Variants in PRDM1 observed in about 807,000 individuals in gnomAD.
PRDM1 encodes PR/SET domain 1.
Under a neutral mutation model 62.8 loss-of-function variants are expected in PRDM1, and 13 were observed. The observed-to-expected ratio is 0.21, with a 90% CI of 0.13 to 0.33. The LOEUF is 0.33. PRDM1 is among the 10% of genes least tolerant of loss of function. The pLI, the probability that PRDM1 is intolerant of heterozygous loss-of-function variation, is 1.00. For synonymous variants in PRDM1, 396 were observed against 417.6 expected (o/e 0.95, Z 0.63); for missense variants, 895 against 1,058.8 (o/e 0.85, Z 2.15).
At chr6:106,101,437 A>G (rs185707655) in intron 4 of PRDM1, among the ~76,000 whole-genome samples, 1 of 152,328 alleles carries the variant, frequency 6.6e-6, no homozygotes, top group Admixed American at 6.5e-5. Context: ...CAACTGTCAT[A>G]TATACTGTGA....
upstream of PRDM1, among the ~76,000 whole-genome samples, chr6:106,043,672 A>G (rs1318026915): frequency 6.6e-6 from 1 of 152,080 alleles, no homozygotes; most frequent in African/African-American, 2.4e-5. Context: ...AGTAGCTGGG[A>G]TTACAGCATG....
At chr6:106,029,216 G>A (rs1210047703) in intron 1 of PRDM1, among the ~76,000 whole-genome samples, 1 of 152,034 alleles carries the variant, frequency 6.6e-6, no homozygotes, top group Non-Finnish European at 1.5e-5. Flanking sequence ...ACTGCACCCG[G>A]CCTTCCCTAT....
intron 1 of PRDM1, among the ~76,000 whole-genome samples, chr6:106,000,092 G>A (rs1466486233): frequency 6.6e-6 from 1 of 152,056 alleles, no homozygotes; most frequent in Middle Eastern, 3.2e-3. Flanking sequence ...CTCGTGATCT[G>A]CCCGCCTTGG....
Position 106,041,872 on chromosome 6 carries a change from A to G in PRDM1, c.-66-46329A>G, listed in dbSNP as rs143919846. On this transcript the variant is annotated intron_variant, in intron 1 of 6. Transcript: ENST00000652320. ...ACTCAGGCTGGAGTATAATGGCACTATATTGGCTGACTGCATCCTCCACCT... is the reference window on the plus strand; with the variant it reads ...ACTCAGGCTGGAGTATAATGGCACTGTATTGGCTGACTGCATCCTCCACCT... Among the ~76,000 whole-genome samples, 260 of 142,594 alleles carry G rather than the reference A, an allele frequency of 1.8e-3. 2 individuals are homozygous for G. Among genetic ancestry groups the G allele is most frequent in the African/African-American group, 6.6e-3 (252 of 37,918 alleles). The allele number at this position is 142,594 out of a possible 152,430, so 93.5% of individuals were successfully genotyped here. A position where few individuals can be genotyped will look rare whatever the true frequency, so the allele number is the denominator to read the frequency against.
chr6:106,104,205 G>GTTT (rs11317538), intron 4 of PRDM1, among the ~76,000 whole-genome samples: 2 of 141,840 alleles, frequency 1.4e-5, no homozygotes, highest in Non-Finnish European at 1.5e-5. Flanking sequence ...TAAAATGGAA[G>GTTT]TTTTTTTTTT....
At chr6:106,092,138 AAAAAAAAAAC>A (rs1341883227) in intron 2 of PRDM1, among the ~76,000 whole-genome samples, 1 of 147,132 alleles carries the variant, frequency 6.8e-6, no homozygotes, top group Non-Finnish European at 1.5e-5. Flanking sequence ...TTGAAAAAAA[AAAAAAAAAAC>A]AAACCTATAT....
chr6:106,028,590 T>C (rs1772796220), intron 1 of PRDM1, among the ~76,000 whole-genome samples: 1 of 152,230 alleles, frequency 6.6e-6, no homozygotes, highest in Non-Finnish European at 1.5e-5. Flanking sequence ...AATAGGTATG[T>C]ATGATTCCAT....
At chr6:106,059,758 T>C (rs1260073011) in intron 1 of PRDM1, among the ~76,000 whole-genome samples, 1 of 152,148 alleles carries the variant, frequency 6.6e-6, no homozygotes, top group African/African-American at 2.4e-5. Flanking sequence ...GTGGTAGAGA[T>C]GGTGAGATAT....
chr6:106,108,182 G>A lies in PRDM1; in HGVS notation c.*696G>A. 4.3e-6 allele frequency: 1 copy of A among 233,548 alleles called. No homozygotes were observed. Among genetic ancestry groups the A allele is most frequent in the Admixed American group, 5.6e-5 (1 of 17,782 alleles). The allele number at this position is 233,548 out of a possible 1,614,324, so 14.5% of individuals were successfully genotyped here. ...GGATTACCCAAGAATAACTTAAGTA[G>A]AAGAAACAAGAAAGGGAATCTTGTA... On this transcript the variant is annotated 3_prime_UTR_variant, in exon 7 of 7. Coordinates refer to ENST00000369096, the MANE Select transcript of PRDM1 (RefSeq NM_001198.4).
At chr6:106,043,619 C>T (rs982846937), upstream of PRDM1, among the ~76,000 whole-genome samples, 19 of 152,052 alleles carry the variant, frequency 1.2e-4, no homozygotes, top group South Asian at 2.1e-4. Context: ...CCGCAACCTC[C>T]GCCTCTCCCG....
At position 106,010,385 on chromosome 6, in the gene PRDM1, T is replaced by G. The variant is rs572411561; in HGVS notation, c.-67+16746T>G. 1.6e-4 allele frequency among the ~76,000 whole-genome samples: 25 copies of G among 152,292 alleles called. No individual in the cohort carries two copies. The South Asian group carries it at 2.7e-3, about 16-fold the overall frequency. On this transcript the variant is annotated intron_variant, in intron 1 of 6. Coordinates refer to the PRDM1 transcript ENST00000652320. ...TTTTATATATTTATGTTTAAAGCAT[T>G]TATTTATTAGGAGGTGAATCAGCTC...
At chr6:106,060,489 C>T (rs2114592117) in intron 1 of PRDM1, among the ~76,000 whole-genome samples, 1 of 152,212 alleles carries the variant, frequency 6.6e-6, no homozygotes, top group East Asian at 1.9e-4. Context: ...ACATAGATAA[C>T]TCACTCGAGT....
chr6:106,071,492 T>G (rs1019935714), intron 1 of PRDM1, among the ~76,000 whole-genome samples: 46 of 152,122 alleles, frequency 3.0e-4, no homozygotes, highest in Non-Finnish European at 1.5e-5. Flanking sequence ...GATTTTGCAT[T>G]GATTTTCTGG....
At chr6:106,009,016 GA>G (rs1282833844) in intron 1 of PRDM1, among the ~76,000 whole-genome samples, 2 of 152,154 alleles carry the variant, frequency 1.3e-5, no homozygotes, top group Admixed American at 6.5e-5. Context: ...CCCAGCAACT[GA>G]ACACAGGCCC....
chr6:106,035,892 T>G (rs185063529), intron 1 of PRDM1, among the ~76,000 whole-genome samples: 131 of 152,214 alleles, frequency 8.6e-4, no homozygotes, highest in African/African-American at 2.7e-3. Flanking sequence ...GAAGTGAGAC[T>G]TCTGTCATTT....
intron 1 of PRDM1, among the ~76,000 whole-genome samples, chr6:106,070,124 T>A (rs1239412764): frequency 6.6e-6 from 1 of 152,184 alleles, no homozygotes; most frequent in African/African-American, 2.4e-5. Flanking sequence ...ACCTAACATA[T>A]GGACTAGTGG....
chr6:106,086,534 A>G lies in PRDM1; in HGVS notation c.-20A>G. The G allele has an allele frequency of 1.3e-6, 2 of 1,551,300 alleles. No homozygotes were observed. Among genetic ancestry groups the G allele is most frequent in the Non-Finnish European group, 1.7e-6 (2 of 1,146,338 alleles). On this transcript the variant is annotated 5_prime_UTR_variant, in exon 1 of 7. It removes an upstream start codon present in the reference 5' UTR. Transcript: ENST00000369096. The stretch of plus-strand genomic sequence containing the variant: ...CGGGGAGAATGTGGACTGGGTAGAG[A>G]TGAACGAGACTTTTCTCAGATGTTG...
upstream of PRDM1, among the ~76,000 whole-genome samples, chr6:106,084,874 C>T (rs1773762079): frequency 6.6e-6 from 1 of 152,156 alleles, no homozygotes; most frequent in Admixed American, 6.6e-5. Flanking sequence ...GGCCACGCAG[C>T]AAGCAGCGAG....
At chr6:106,094,383 C>T (rs1262890954) in intron 2 of PRDM1, among the ~76,000 whole-genome samples, 1 of 152,184 alleles carries the variant, frequency 6.6e-6, no homozygotes, top group Non-Finnish European at 1.5e-5. Flanking sequence ...TTGTAAAGGA[C>T]TACTCACAGA....
Sources: allele counts gnomAD v4.1 joint callset (sites outside exome capture counted in the v4.1 genomes callset), GRCh38; gene constraint gnomAD v4.1.1; transcripts MANE v1.5; gene names NCBI Gene and HGNC (gene_info 2026-07-23, HGNC 2026-07-21).